Variants in HECW2 observed in about 807,000 individuals in gnomAD.
The protein encoded by HECW2 is HECT, C2 and WW domain containing E3 ubiquitin protein ligase 2, also known as E3 ubiquitin-protein ligase HECW2.
HECW2 carries 61 observed loss-of-function variants against 175.2 expected under a neutral mutation model. That is an observed-to-expected ratio of 0.35 (90% CI 0.28 to 0.43). The LOEUF (loss-of-function observed/expected upper bound fraction) is 0.43, where lower values mean the gene tolerates loss of function less well. Among genes scored for constraint, HECW2 ranks in the 20% least tolerant of loss-of-function variants. HECW2 has a pLI of 1.00. For synonymous variants in HECW2, 671 were observed against 731.0 expected, an observed-to-expected ratio of 0.92 and a Z score of 1.32; for missense variants, 1,524 against 2,000.5, an observed-to-expected ratio of 0.76 and a Z score of 4.54.
chr2:196,523,782 T>C (rs1046732458), intron 1 of HECW2, among the ~76,000 whole-genome samples: 3 of 150,956 alleles, frequency 2.0e-5, no homozygotes, highest in Non-Finnish European at 3.0e-5. Flanking sequence ...TTACATTTAT[T>C]GATTTGCGTA....
At chr2:196,239,790 T>C (rs559249922) in intron 21 of HECW2, 9 of 152,356 alleles carry the variant, frequency 5.9e-5, no homozygotes, top group African/African-American at 2.2e-4. Flanking sequence ...TATGTCTATT[T>C]GGGCACAACA....
chr2:196,458,650 G>A (rs1035821391), intron 1 of HECW2, among the ~76,000 whole-genome samples: 1 of 151,808 alleles, frequency 6.6e-6, no homozygotes, highest in African/African-American at 2.4e-5. Context: ...GGTGGATCAC[G>A]AGGTCAAGAG....
intron 2 of HECW2, among the ~76,000 whole-genome samples, chr2:196,380,842 CA>C (rs1198042516): frequency 1.3e-5 from 2 of 152,216 alleles, no homozygotes; most frequent in South Asian, 4.1e-4. Context: ...AAATGTTACA[CA>C]GCCAAAGCCT....
chr2:196,215,559 A>C (rs1369183480), intron 28 of HECW2, among the ~76,000 whole-genome samples: 1 of 152,222 alleles, frequency 6.6e-6, no homozygotes, highest in African/African-American at 2.4e-5. Flanking sequence ...AAGCTTCTGG[A>C]AACACCTGAT....
At chr2:196,222,779 T>C (rs1687714984) in intron 23 of HECW2, among the ~76,000 whole-genome samples, 1 of 152,042 alleles carries the variant, frequency 6.6e-6, no homozygotes, top group South Asian at 2.1e-4. Flanking sequence ...TTTTAACTTT[T>C]TTTAATTGAA....
At chr2:196,505,196 A>G (rs982828999) in intron 1 of HECW2, among the ~76,000 whole-genome samples, 1 of 152,224 alleles carries the variant, frequency 6.6e-6, no homozygotes, top group Non-Finnish European at 1.5e-5. Flanking sequence ...AAAGTAATTT[A>G]AAAAACCAAG....
chr2:196,245,673 G>A (rs917552959), intron 19 of HECW2, among the ~76,000 whole-genome samples: 2 of 152,194 alleles, frequency 1.3e-5, no homozygotes, highest in Admixed American at 1.3e-4. Context: ...ACAGGGAAAT[G>A]AATTGAGATT....
chr2:196,372,954 T>C (rs1370609481), intron 2 of HECW2, among the ~76,000 whole-genome samples: 1 of 152,130 alleles, frequency 6.6e-6, no homozygotes, highest in Non-Finnish European at 1.5e-5. Context: ...TCTGTACAAT[T>C]GGGATAACGA....
intron 1 of HECW2, among the ~76,000 whole-genome samples, chr2:196,485,425 G>A (rs901921050): frequency 6.6e-6 from 1 of 152,206 alleles, no homozygotes; most frequent in Non-Finnish European, 1.5e-5. Context: ...CTGGAGGCTG[G>A]ACGACCAAGA....
At chr2:196,272,966 G>A (rs1001044857) in intron 16 of HECW2, among the ~76,000 whole-genome samples, 2 of 151,140 alleles carry the variant, frequency 1.3e-5, no homozygotes, top group Non-Finnish European at 2.9e-5. Flanking sequence ...CTTAGGTCAT[G>A]GGCATTACAT....
chr2:196,395,768 G>C (rs1694644150), intron 2 of HECW2, among the ~76,000 whole-genome samples: 1 of 151,410 alleles, frequency 6.6e-6, no homozygotes, highest in Non-Finnish European at 1.5e-5. Context: ...TGGAATCCTT[G>C]TGCATTGCTG....
chr2:196,394,266 G>T (rs560093119), intron 2 of HECW2, among the ~76,000 whole-genome samples: 1 of 152,184 alleles, frequency 6.6e-6, no homozygotes, highest in African/African-American at 2.4e-5. Context: ...AAATGTGCAC[G>T]TTGTGCACAT....
At position 196,345,578 on chromosome 2, in the gene HECW2, G is replaced by A. The variant is rs567663084; in HGVS notation, c.293-1814C>T. Among the ~76,000 whole-genome samples, 69 of 152,290 alleles carry A rather than the reference G, an allele frequency of 4.5e-4. 1 individual carries two copies. The highest frequency in any genetic ancestry group is 6.8e-3 in the Middle Eastern group (2 of 294). ...AAGATGGCAGAGCAAGAAGCAAGAC[G>A]CAATCAGGATGATCCATTGAGCCCT... On this transcript the variant is annotated intron_variant, in intron 2 of 28. Transcript: ENST00000644978.
intron 2 of HECW2, among the ~76,000 whole-genome samples, chr2:196,354,325 A>G (rs1384072144): frequency 2.0e-5 from 3 of 152,198 alleles, no homozygotes; most frequent in Non-Finnish European, 4.4e-5. Context: ...TGGTCCAGCC[A>G]CAAGCTCTGC....
chr2:196,236,053 T>C (rs1452768623), intron 21 of HECW2, among the ~76,000 whole-genome samples: 1 of 152,172 alleles, frequency 6.6e-6, no homozygotes, highest in African/African-American at 2.4e-5. Flanking sequence ...ATATAATCAC[T>C]GAAATGATAT....
At chr2:196,211,379 G>A (rs1403516918) in intron 28 of HECW2, among the ~76,000 whole-genome samples, 1 of 152,158 alleles carries the variant, frequency 6.6e-6, no homozygotes, top group Non-Finnish European at 1.5e-5. Flanking sequence ...GTCTTCCACA[G>A]AAATGCAAAA....
chr2:196,276,595 C>G (rs540197484), intron 15 of HECW2, among the ~76,000 whole-genome samples: 1 of 152,260 alleles, frequency 6.6e-6, no homozygotes, highest in African/African-American at 2.4e-5. Context: ...TGCTACACAT[C>G]GCACACAAGG....
rs1689720672 is a variant in HECW2, at chr2:196,271,163, A to G, written c.3335+30T>C. On this transcript the variant is annotated intron_variant, in intron 17 of 28. Transcript: ENST00000644978. ...AGATTTAATGGTTTGTGCTTATGCA[A>G]CTTGAACCAAATACCAATATTATTG... The G allele has an allele frequency of 2.3e-6, 3 of 1,309,474 alleles. No homozygotes were observed. In the East Asian group the frequency reaches 6.9e-5, roughly 30 times the overall value. 81.1% of individuals were successfully genotyped at this position (1,309,474 alleles called of 1,614,324 possible).
chr2:196,279,160 T>C (rs1198545124), intron 14 of HECW2, among the ~76,000 whole-genome samples: 1 of 152,132 alleles, frequency 6.6e-6, no homozygotes, highest in Non-Finnish European at 1.5e-5. Context: ...GCCATTCTCC[T>C]GCCTCAGCCT....
Sources: gnomAD v4.1 joint callset for allele counts (sites outside exome capture counted in the v4.1 genomes callset) on GRCh38, gnomAD v4.1.1 for gene constraint, MANE v1.5 for transcripts, NCBI Gene and HGNC (gene_info 2026-07-23, HGNC 2026-07-21) for gene names.